DTHD1: variants seen among roughly 807,000 people sequenced by gnomAD.
DTHD1 encodes the protein death domain containing 1, also known as death domain-containing protein 1.
Under a neutral mutation model 74.8 loss-of-function variants are expected in DTHD1, and 59 were observed. That is an observed-to-expected ratio of 0.79 (90% CI 0.64 to 0.98). The LOEUF (loss-of-function observed/expected upper bound fraction) is 0.98, where lower values mean the gene tolerates loss of function less well. Ranked by LOEUF, DTHD1 falls within the 50% of genes least tolerant of loss-of-function variation. DTHD1 has a pLI of 0.00. For missense variants in DTHD1, 1,051 were observed against 1,065.4 expected, an observed-to-expected ratio of 0.99 and a Z score of 0.19; for synonymous variants, 365 against 371.1, an observed-to-expected ratio of 0.98 and a Z score of 0.19.
chr4:36,307,809 T>C lies in DTHD1; in HGVS notation c.1806-395T>C, dbSNP rs545522278. 2.6e-5 allele frequency among the ~76,000 whole-genome samples: 4 copies of C among 152,376 alleles called. No homozygotes were observed. In the South Asian group the frequency reaches 8.3e-4, roughly 32 times the overall value. ...GCCATGTTTAGAGCTGAGCTGAGAC[T>C]GTATGACTTCTTCGTTTAAGAACAT... On this transcript the variant is annotated intron_variant, in intron 6 of 9. Coordinates refer to ENST00000639862, the MANE Select transcript of DTHD1 (RefSeq NM_001170700.3).
chr4:36,335,242 G>T (rs1188359713), intron 8 of DTHD1, among the ~76,000 whole-genome samples: 2 of 152,044 alleles, frequency 1.3e-5, no homozygotes, highest in Admixed American at 6.6e-5. Flanking sequence ...GTTTTTTGAG[G>T]GGGGGTGCTC....
chr4:36,332,200 A>AATAAT (rs1344862613), intron 8 of DTHD1, among the ~76,000 whole-genome samples: 1 of 15,778 alleles, frequency 6.3e-5, no homozygotes, highest in East Asian at 6.4e-4. Flanking sequence ...AATAAAATAA[A>AATAAT]ATAAAATAAA....
In DTHD1 at chr4:36,341,615, T is replaced by C. The variant is rs529592458; in HGVS notation, c.2399-1887T>C. Among the ~76,000 whole-genome samples the C allele has an allele frequency of 2.6e-5, 4 of 152,320 alleles. No homozygotes were observed. The South Asian group carries it at 6.2e-4, about 24-fold the overall frequency. ...AGGACTCAAATGGTATAAAATAATT[T>C]ACAGTTTGTTGATCACATTCAACAT... is the stretch of plus-strand genomic sequence containing the variant. On this transcript the variant is annotated intron_variant, in intron 9 of 9. Transcript: ENST00000639862.
intron 5 of DTHD1, among the ~76,000 whole-genome samples, chr4:36,302,121 T>A (rs531600117): frequency 6.6e-6 from 1 of 152,182 alleles, no homozygotes; most frequent in Non-Finnish European, 1.5e-5. Context: ...AGCGTAACAG[T>A]GGAGAGTTTT....
chr4:36,310,874 G>A (rs1312467486), intron 7 of DTHD1, among the ~76,000 whole-genome samples: 5 of 152,124 alleles, frequency 3.3e-5, no homozygotes, highest in Non-Finnish European at 7.4e-5. Flanking sequence ...AGAGAGAGGA[G>A]GGAGAGGAAG....
chr4:36,334,114 T>G (rs1321623656), intron 8 of DTHD1, among the ~76,000 whole-genome samples: 1 of 152,218 alleles, frequency 6.6e-6, no homozygotes, highest in African/African-American at 2.4e-5. Flanking sequence ...CATTCTTCCA[T>G]GTACTCATTG....
At chr4:36,318,712 T>G (rs1757883484) in intron 8 of DTHD1, among the ~76,000 whole-genome samples, 1 of 151,444 alleles carries the variant, frequency 6.6e-6, no homozygotes, top group Non-Finnish European at 1.5e-5. Flanking sequence ...CCTCCTGGGT[T>G]GACGCCATTC....
chr4:36,340,691 G>A (rs752023765), intron 9 of DTHD1, among the ~76,000 whole-genome samples: 4 of 152,264 alleles, frequency 2.6e-5, no homozygotes, highest in Admixed American at 1.3e-4. Context: ...GATGAATATT[G>A]TGAGTGCTAC....
At chr4:36,312,289 T>C (rs1757452358) in intron 7 of DTHD1, among the ~76,000 whole-genome samples, 1 of 151,676 alleles carries the variant, frequency 6.6e-6, no homozygotes, top group African/African-American at 2.4e-5. Context: ...GAATGCCCTT[T>C]GGCCCAGGGA....
At chr4:36,319,740 C>A (rs1757949686) in intron 8 of DTHD1, among the ~76,000 whole-genome samples, 1 of 152,210 alleles carries the variant, frequency 6.6e-6, no homozygotes, top group South Asian at 2.1e-4. Flanking sequence ...ATAAAAGTAG[C>A]CAAATTAGTC....
rs1016329899 is a variant in DTHD1 at position 36,346,002 on chromosome 4, C to A, written c.*2178C>A. On this transcript the variant is annotated 3_prime_UTR_variant, in exon 10 of 10. Transcript: ENST00000639862. ...CCCTTTATCAGCACTGTTTCGGGTC[C>A]ACTTGTGCACCTCACATATGCTGTC... Among the ~76,000 whole-genome samples, 1 of 151,984 alleles carries A rather than the reference C, an allele frequency of 6.6e-6. No individual in the cohort carries two copies. The highest frequency in any genetic ancestry group is 2.4e-5 in the African/African-American group (1 of 41,368).
Position 36,308,476 on chromosome 4 carries a change from GA to G in DTHD1, c.2081del (p.Asn694ThrfsTer59). ...GAACAACTTCTTTTAAGATTTACTG[GA>G]AACATATTTGCTTCAAGTAAGTATA... ...EGEQLLLRFTGNIFASSNGKD... is the reference protein window; with the variant it reads ...EGEQLLLRFTXNIFASSNGKD... On this transcript the variant is annotated frameshift_variant, in exon 7 of 10. Coordinates refer to ENST00000639862, the MANE Select transcript of DTHD1 (RefSeq NM_001170700.3). LOFTEE classifies it high-confidence loss of function. 1 of 1,550,704 alleles carries G rather than the reference GA, an allele frequency of 6.4e-7. No homozygotes were observed.
chr4:36,315,684 T>C (rs1350311613), intron 7 of DTHD1: 1 of 152,178 alleles, frequency 6.6e-6, no homozygotes. Context: ...ATATTTCAAG[T>C]AGTTTCTGGT....
chr4:36,291,599 T>G (rs1025031564), intron 3 of DTHD1, among the ~76,000 whole-genome samples: 3 of 152,134 alleles, frequency 2.0e-5, no homozygotes, highest in Non-Finnish European at 4.4e-5. Flanking sequence ...GAGGCCAAGG[T>G]GGGCGAATCA....
intron 5 of DTHD1, among the ~76,000 whole-genome samples, chr4:36,299,340 C>A (rs1039373869): frequency 6.6e-6 from 1 of 152,134 alleles, no homozygotes. Flanking sequence ...TTTTCCACTT[C>A]TTTGGAGATA....
chr4:36,346,327 C>T lies in DTHD1; in HGVS notation c.*2503C>T, dbSNP rs76856595. ...TCATTAAAACACTCCCTGTCATAAC[C>T]CTCCCGTCTTTCTTTCTCTCTCTCA... On this transcript the variant is annotated 3_prime_UTR_variant, in exon 10 of 10. Coordinates refer to ENST00000639862, the MANE Select transcript of DTHD1 (RefSeq NM_001170700.3). Among the ~76,000 whole-genome samples the T allele has an allele frequency of 1.2e-3, 185 of 152,026 alleles. 1 individual carries two copies. Among genetic ancestry groups the T allele is most frequent in the African/African-American group, 4.3e-3 (178 of 41,504 alleles).
intron 2 of DTHD1, among the ~76,000 whole-genome samples, chr4:36,285,548 C>T (rs1023860044): frequency 2.6e-5 from 4 of 151,920 alleles, no homozygotes; most frequent in Admixed American, 1.3e-4. Flanking sequence ...TAAATTTTCT[C>T]TCCTGTGCAA....
At chr4:36,304,803 G>A (rs148968674) in intron 5 of DTHD1, among the ~76,000 whole-genome samples, 63 of 152,282 alleles carry the variant, frequency 4.1e-4, no homozygotes, top group African/African-American at 1.5e-3. Context: ...GGACTATGTG[G>A]ATCCTCTCCT....
At chr4:36,310,913 G>A (rs1257700055) in intron 7 of DTHD1, among the ~76,000 whole-genome samples, 1 of 152,114 alleles carries the variant, frequency 6.6e-6, no homozygotes, top group Non-Finnish European at 1.5e-5. Context: ...CTTCCTACTT[G>A]GCTTCCGGAG....
Sources: allele counts gnomAD v4.1 joint callset (sites outside exome capture counted in the v4.1 genomes callset), GRCh38; gene constraint gnomAD v4.1.1; transcripts MANE v1.5; gene names NCBI Gene and HGNC (gene_info 2026-07-23, HGNC 2026-07-21).